DYNC1I1: variants seen among roughly 807,000 people sequenced by gnomAD.
DYNC1I1 encodes dynein cytoplasmic 1 intermediate chain 1.
In DYNC1I1, 43 loss-of-function variants were observed where a neutral mutation model predicts 86.6. The ratio of observed to expected loss-of-function variants is 0.50; its 90% CI spans 0.39 to 0.64. DYNC1I1 has a LOEUF of 0.64. DYNC1I1 is among the 30% of genes least tolerant of loss of function. DYNC1I1 has a pLI of 0.00. For synonymous variants in DYNC1I1, 262 were observed against 283.7 expected, an observed-to-expected ratio of 0.92 and a Z score of 0.77; for missense variants, 604 against 788.8, an observed-to-expected ratio of 0.77 and a Z score of 2.81.
intron 6 of DYNC1I1, among the ~76,000 whole-genome samples, chr7:95,934,960 GT>G (rs1210048179): frequency 2.0e-5 from 3 of 151,294 alleles, no homozygotes; most frequent in Non-Finnish European, 1.5e-5. Flanking sequence ...TTTTGTGTGT[GT>G]GTGTGTGTGT....
chr7:95,965,924 A>C (rs1792999824), intron 6 of DYNC1I1, among the ~76,000 whole-genome samples: 1 of 152,140 alleles, frequency 6.6e-6, no homozygotes, highest in African/African-American at 2.4e-5. Flanking sequence ...AGTTGCTATC[A>C]TGATCCCATC....
chr7:96,046,129 C>A (rs1192025784), intron 14 of DYNC1I1, among the ~76,000 whole-genome samples: 1 of 152,180 alleles, frequency 6.6e-6, no homozygotes, highest in Non-Finnish European at 1.5e-5. Flanking sequence ...GAGAACCAGG[C>A]TGCATTCCAG....
intron 16 of DYNC1I1, among the ~76,000 whole-genome samples, chr7:96,107,645 C>A (rs1292874870): frequency 6.6e-6 from 1 of 151,794 alleles, no homozygotes; most frequent in Non-Finnish European, 1.5e-5. Flanking sequence ...GATTCTCCTG[C>A]CTCAGCCTCC....
At chr7:95,972,550 G>T (rs374434541) in intron 6 of DYNC1I1, among the ~76,000 whole-genome samples, 1 of 151,946 alleles carries the variant, frequency 6.6e-6, no homozygotes, top group Non-Finnish European at 1.5e-5. Context: ...CCGGATTGCT[G>T]CAAAGGGAAT....
intron 5 of DYNC1I1, among the ~76,000 whole-genome samples, chr7:95,842,049 C>T (rs768337872): frequency 6.6e-6 from 1 of 152,102 alleles, no homozygotes; most frequent in Non-Finnish European, 1.5e-5. Flanking sequence ...ATTGTGTGTA[C>T]GGTTCAAACC....
chr7:95,818,473 ATTTT>A lies in DYNC1I1; in HGVS notation c.314+5154_314+5157del, dbSNP rs10590197. 2,252 of 569,642 alleles carry A rather than the reference ATTTT, an allele frequency of 4.0e-3. 1 individual carries two copies. The highest frequency in any genetic ancestry group is 7.4e-3 in the South Asian group (352 of 47,414). The allele number at this position is 569,642 out of a possible 1,614,324, so 35.3% of individuals were successfully genotyped here. On this transcript the variant is annotated intron_variant, in intron 4 of 16. Transcript: ENST00000447467. Reference sequence around the variant, plus strand: ...CATACCACCACACCCAGCTGATTTAATTTTTTTTTTTTTTTTTTTTTGTAGAGAC... The same window carrying A: ...CATACCACCACACCCAGCTGATTTAATTTTTTTTTTTTTTTTTGTAGAGAC...
At chr7:95,793,433 C>T (rs1213381084) in intron 1 of DYNC1I1, among the ~76,000 whole-genome samples, 2 of 151,878 alleles carry the variant, frequency 1.3e-5, no homozygotes, top group African/African-American at 4.8e-5. Flanking sequence ...AGGCCACCAC[C>T]CAGAAGTGGA....
chr7:95,944,500 C>T lies in DYNC1I1; in HGVS notation c.491-33012C>T, dbSNP rs369270558. ...AGGGATCTAGAACTAGAAATACCAT[C>T]TGACCCAGCCATCCCATTACTGGGT... On this transcript the variant is annotated intron_variant, in intron 6 of 16. Coordinates refer to ENST00000447467, the MANE Select transcript of DYNC1I1 (RefSeq NM_001135556.2). Among the ~76,000 whole-genome samples the T allele has an allele frequency of 3.9e-5, 6 of 152,162 alleles. No individual in the cohort carries two copies. In the East Asian group the frequency reaches 7.7e-4, roughly 20 times the overall value.
At chr7:95,935,225 G>A (rs1414142325) in intron 6 of DYNC1I1, among the ~76,000 whole-genome samples, 1 of 152,084 alleles carries the variant, frequency 6.6e-6, no homozygotes, top group South Asian at 2.1e-4. Context: ...GAATCATGCA[G>A]TATTTGTCTT....
downstream of DYNC1I1, among the ~76,000 whole-genome samples, chr7:96,101,996 ATAAC>A (rs1345065930): frequency 6.6e-6 from 1 of 151,942 alleles, no homozygotes; most frequent in African/African-American, 2.4e-5. Flanking sequence ...ATCTTGGAGA[ATAAC>A]TGATGAGTAC....
chr7:95,996,195 T>C, intron 10 of DYNC1I1, 122 bp downstream of exon 10: 1 of 1,458,980 alleles, frequency 6.9e-7, no homozygotes, highest in East Asian at 2.4e-5. Context: ...TTGTTGACAA[T>C]TTTGGAAAAT....
At chr7:96,010,728 C>G (rs1794255784) in intron 10 of DYNC1I1, among the ~76,000 whole-genome samples, 1 of 152,102 alleles carries the variant, frequency 6.6e-6, no homozygotes, top group African/African-American at 2.4e-5. Context: ...ATAAGGAAAG[C>G]CTTACCTTTG....
chr7:96,059,516 A>T (rs938242342), intron 14 of DYNC1I1, among the ~76,000 whole-genome samples: 1 of 152,124 alleles, frequency 6.6e-6, no homozygotes, highest in African/African-American at 2.4e-5. Context: ...TTACAAGTAA[A>T]TTTCAGAAAG....
chr7:95,933,685 A>T (rs191266714), intron 6 of DYNC1I1, among the ~76,000 whole-genome samples: 1 of 152,266 alleles, frequency 6.6e-6, no homozygotes, highest in East Asian at 1.9e-4. Context: ...GTGACATGAC[A>T]CTGCACTGAA....
chr7:96,073,658 C>T (rs191535877), intron 14 of DYNC1I1, among the ~76,000 whole-genome samples: 1 of 152,252 alleles, frequency 6.6e-6, no homozygotes, highest in Admixed American at 6.5e-5. Flanking sequence ...GATGAGGATC[C>T]TGACAATTGA....
chr7:95,833,299 T>G (rs1389342763), intron 5 of DYNC1I1, among the ~76,000 whole-genome samples: 6 of 148,432 alleles, frequency 4.0e-5, no homozygotes, highest in Admixed American at 1.3e-4. Flanking sequence ...GCATTATTTC[T>G]GAGGGCTCTG....
chr7:96,017,668 A>G (rs973559415), intron 10 of DYNC1I1, among the ~76,000 whole-genome samples: 1 of 152,180 alleles, frequency 6.6e-6, no homozygotes, highest in Non-Finnish European at 1.5e-5. Context: ...TTATGTCTGT[A>G]AGTAAGAAGT....
intron 14 of DYNC1I1, among the ~76,000 whole-genome samples, chr7:96,061,242 C>T (rs891151800): frequency 4.0e-4 from 61 of 152,162 alleles, no homozygotes; most frequent in African/African-American, 1.1e-3. Context: ...CATTTCAGCA[C>T]GAATCTGCCC....
intron 14 of DYNC1I1, among the ~76,000 whole-genome samples, chr7:96,060,811 A>G (rs531278190): frequency 6.7e-6 from 1 of 150,090 alleles, no homozygotes; most frequent in African/African-American, 2.4e-5. Context: ...ATAAAGTCTA[A>G]AAAAAAAAAC....
Sources: gnomAD v4.1 joint callset for allele counts (sites outside exome capture counted in the v4.1 genomes callset) on GRCh38, gnomAD v4.1.1 for gene constraint, MANE v1.5 for transcripts, NCBI Gene and HGNC (gene_info 2026-07-23, HGNC 2026-07-21) for gene names.